The following NAV3 variants were observed in gnomAD, a reference collection of about 807,000 sequenced individuals.
The protein encoded by NAV3 is neuron navigator 3.
Under a neutral mutation model 244.7 loss-of-function variants are expected in NAV3, and 87 were observed. The ratio of observed to expected loss-of-function variants is 0.36; its 90% CI spans 0.30 to 0.42. The LOEUF (loss-of-function observed/expected upper bound fraction) is 0.42. NAV3 is among the 20% of genes least tolerant of loss of function. The pLI is 1.00. For synonymous variants in NAV3, 1,126 were observed against 1,042.2 expected, an observed-to-expected ratio of 1.08 and a Z score of -1.55; for missense variants, 2,663 against 2,893.3, an observed-to-expected ratio of 0.92 and a Z score of 1.83.
intron 1 of NAV3, among the ~76,000 whole-genome samples, chr12:77,862,963 T>C (rs1050413221): frequency 1.3e-5 from 2 of 151,844 alleles, no homozygotes; most frequent in African/African-American, 4.8e-5. Flanking sequence ...TTCCATTTCG[T>C]TATTTCTATA....
At chr12:77,688,916 T>C (rs775631003) in intron 2 of NAV3, among the ~76,000 whole-genome samples, 32 of 151,812 alleles carry the variant, frequency 2.1e-4, no homozygotes, top group Admixed American at 9.2e-4. Flanking sequence ...CCAACTGAAA[T>C]TGGAAAACCT....
intron 2 of NAV3, among the ~76,000 whole-genome samples, chr12:77,769,522 A>AT (rs984328178): frequency 9.2e-5 from 14 of 152,120 alleles, no homozygotes; most frequent in African/African-American, 2.9e-4. Flanking sequence ...TTCTCTATAC[A>AT]TTTTTTTATT....
intron 6 of NAV3, among the ~76,000 whole-genome samples, chr12:77,997,096 G>A (rs575077802): frequency 5.9e-4 from 89 of 151,908 alleles, no homozygotes; most frequent in African/African-American, 1.5e-3. Context: ...AAGATGAGCC[G>A]GGCATGATAG....
In NAV3 at chr12:77,888,093, T is replaced by C. The variant is rs116553805; in HGVS notation, c.244-52226T>C. Among the ~76,000 whole-genome samples the C allele has an allele frequency of 5.4e-3, 817 of 152,042 alleles. 10 individuals carry two copies. The highest frequency in any genetic ancestry group is 0.019 in the African/African-American group (779 of 41,482). On this transcript the variant is annotated intron_variant, in intron 1 of 39. Coordinates refer to ENST00000397909, the MANE Select transcript of NAV3 (RefSeq NM_001024383.2). ...GGTTCCTTAAATGAGGAATATGCGGTAAAATATGATGATTTTAACCATGGG... is the reference window on the plus strand; with the variant it reads ...GGTTCCTTAAATGAGGAATATGCGGCAAAATATGATGATTTTAACCATGGG...
chr12:77,904,034 T>G (rs900791386), intron 1 of NAV3, among the ~76,000 whole-genome samples: 18 of 152,032 alleles, frequency 1.2e-4, no homozygotes, highest in African/African-American at 4.1e-4. Flanking sequence ...GGAACACTTT[T>G]ACACTGTTGG....
intron 1 of NAV3, among the ~76,000 whole-genome samples, chr12:77,841,345 C>A (rs1875611422): frequency 6.6e-6 from 1 of 152,148 alleles, no homozygotes; most frequent in Non-Finnish European, 1.5e-5. Context: ...AGTAACTTTT[C>A]TGTAAAACTG....
chr12:78,150,631 TCACACACACACACA>T (rs34534100), intron 22 of NAV3, among the ~76,000 whole-genome samples: 76 of 144,328 alleles, frequency 5.3e-4, no homozygotes, highest in African/African-American at 1.8e-3. Context: ...AAAAGCTTCC[TCACACACACACACA>T]CACACACACA....
At chr12:78,085,158 T>C (rs1953566504) in intron 12 of NAV3, among the ~76,000 whole-genome samples, 1 of 152,166 alleles carries the variant, frequency 6.6e-6, no homozygotes, top group African/African-American at 2.4e-5. Flanking sequence ...ACAAAACCTG[T>C]ATTTGCAATA....
intron 7 of NAV3, among the ~76,000 whole-genome samples, chr12:78,005,972 G>T (rs1874137544): frequency 6.6e-6 from 1 of 152,102 alleles, no homozygotes; most frequent in Non-Finnish European, 1.5e-5. Context: ...GCAGCAGTGA[G>T]ATCTCAGCTC....
chr12:78,134,777 C>T (rs920099277), intron 18 of NAV3, among the ~76,000 whole-genome samples: 6 of 152,092 alleles, frequency 3.9e-5, no homozygotes, highest in Admixed American at 3.9e-4. Flanking sequence ...TTAATAATAT[C>T]ATAAAAACCC....
intron 3 of NAV3, among the ~76,000 whole-genome samples, chr12:77,953,683 C>G (rs995065256): frequency 3.9e-5 from 6 of 152,152 alleles, no homozygotes; most frequent in Non-Finnish European, 8.8e-5. Context: ...CGTTCCTTTG[C>G]AATGACACAG....
intron 2 of NAV3, among the ~76,000 whole-genome samples, chr12:77,605,046 G>A (rs1482716362): frequency 2.6e-5 from 4 of 151,922 alleles, no homozygotes; most frequent in South Asian, 4.2e-4. Context: ...AATACCAAGG[G>A]GACAGGAGAA....
intron 2 of NAV3, among the ~76,000 whole-genome samples, chr12:77,646,070 T>C (rs191849646): frequency 2.1e-4 from 32 of 152,244 alleles, no homozygotes; most frequent in African/African-American, 7.7e-4. Flanking sequence ...AACATGGTGT[T>C]TTGATACGAG....
chr12:77,881,575 G>A (rs1012795352), intron 1 of NAV3, among the ~76,000 whole-genome samples: 2 of 152,126 alleles, frequency 1.3e-5, no homozygotes, highest in African/African-American at 4.8e-5. Context: ...GGAAGTCCTA[G>A]TCAGAGCAAT....
chr12:77,706,959 G>A (rs1187777648), intron 2 of NAV3, among the ~76,000 whole-genome samples: 9 of 149,624 alleles, frequency 6.0e-5, no homozygotes, highest in Non-Finnish European at 1.3e-4. Flanking sequence ...ACAAGTCCGT[G>A]CATATTTCAC....
At chr12:77,730,433 G>A (rs1385667200) in intron 2 of NAV3, among the ~76,000 whole-genome samples, 1 of 151,860 alleles carries the variant, frequency 6.6e-6, no homozygotes, top group Non-Finnish European at 1.5e-5. Flanking sequence ...AATTAAAAGT[G>A]AGAAAAAGTT....
chr12:77,945,315 T>C (rs949889252), intron 3 of NAV3, among the ~76,000 whole-genome samples: 4 of 152,222 alleles, frequency 2.6e-5, no homozygotes, highest in East Asian at 3.9e-4. Flanking sequence ...AGATTTGATA[T>C]TGGAAAACAA....
chr12:77,909,172 A>G (rs1205228806), intron 1 of NAV3, among the ~76,000 whole-genome samples: 1 of 152,096 alleles, frequency 6.6e-6, no homozygotes, highest in Non-Finnish European at 1.5e-5. Context: ...GATTAACATT[A>G]TTGGGTATAG....
chr12:78,194,905 A>C (rs984659672), intron 34 of NAV3, among the ~76,000 whole-genome samples: 1 of 152,072 alleles, frequency 6.6e-6, no homozygotes, highest in Non-Finnish European at 1.5e-5. Context: ...ACCACAGTAC[A>C]TTTTCCAGAC....
Sources: gnomAD v4.1 joint callset for allele counts (sites outside exome capture counted in the v4.1 genomes callset) on GRCh38, gnomAD v4.1.1 for gene constraint, MANE v1.5 for transcripts, NCBI Gene and HGNC (gene_info 2026-07-23, HGNC 2026-07-21) for gene names.